The following SLC4A4 variants were observed in gnomAD, a reference collection of about 807,000 sequenced individuals.
SLC4A4 encodes the protein electrogenic sodium bicarbonate cotransporter 1.
SLC4A4 carries 27 observed loss-of-function variants against 111.5 expected under a neutral mutation model. The ratio of observed to expected loss-of-function variants is 0.24; its 90% confidence interval spans 0.18 to 0.33. SLC4A4 has a LOEUF of 0.33. Among genes scored for constraint, SLC4A4 ranks in the 10% least tolerant of loss-of-function variants. The pLI, the probability that SLC4A4 is intolerant of heterozygous loss-of-function variation, is 1.00. For synonymous variants in SLC4A4, 443 were observed against 463.4 expected, an observed-to-expected ratio of 0.96 and a Z score of 0.57; for missense variants, 909 against 1,315.5, an observed-to-expected ratio of 0.69 and a Z score of 4.78.
intron 2 of SLC4A4, among the ~76,000 whole-genome samples, chr4:71,100,456 TA>T (rs1742694115): frequency 6.6e-6 from 1 of 151,882 alleles, no homozygotes; most frequent in African/African-American, 2.4e-5. Context: ...CTAAAAATAA[TA>T]AGAGCCATAT....
chr4:71,081,973 A>G (rs1742005223), intron 1 of SLC4A4, among the ~76,000 whole-genome samples: 1 of 152,034 alleles, frequency 6.6e-6, no homozygotes, highest in South Asian at 2.1e-4. Context: ...TAGCTGCTAA[A>G]TTCACTGCCT....
rs1578568111 is a variant in SLC4A4, at chr4:71,189,292, G to A, written c.-2+1891G>A. ...CCTTACCCAATGAGATTGACAGAAT[G>A]TACTCTCAGTTTAGATTAATGTATT... On this transcript the variant is annotated intron_variant, in intron 1 of 25. Coordinates refer to ENST00000264485, the MANE Select transcript of SLC4A4 (RefSeq NM_001098484.3). Among the ~76,000 whole-genome samples, 3 of 152,224 alleles carry A rather than the reference G, an allele frequency of 2.0e-5. No individual in the cohort carries two copies. The South Asian group carries it at 6.2e-4, about 32-fold the overall frequency.
intron 7 of SLC4A4, among the ~76,000 whole-genome samples, chr4:71,439,322 G>A (rs1483197995): frequency 6.6e-6 from 1 of 151,322 alleles, no homozygotes; most frequent in Non-Finnish European, 1.5e-5. Flanking sequence ...CAGCTACTCA[G>A]GAGGCTGAGG....
At chr4:71,147,198 G>T (rs554012251) in intron 2 of SLC4A4, among the ~76,000 whole-genome samples, 90 of 152,144 alleles carry the variant, frequency 5.9e-4, no homozygotes, top group South Asian at 1.2e-3. Flanking sequence ...AATTACACAG[G>T]GGATTAGGAA....
intron 2 of SLC4A4, among the ~76,000 whole-genome samples, chr4:71,093,572 T>C (rs1156248493): frequency 6.6e-6 from 1 of 152,204 alleles, no homozygotes; most frequent in Non-Finnish European, 1.5e-5. Flanking sequence ...TCCTGACTTG[T>C]TTTGAATTGA....
At chr4:71,518,271 C>T (rs146919890) in intron 16 of SLC4A4, among the ~76,000 whole-genome samples, 1 of 152,076 alleles carries the variant, frequency 6.6e-6, no homozygotes, top group Non-Finnish European at 1.5e-5. Flanking sequence ...GTGGGTCATG[C>T]AACCACAGAG....
At chr4:71,137,038 G>A (rs1317161655) in intron 2 of SLC4A4, among the ~76,000 whole-genome samples, 1 of 152,106 alleles carries the variant, frequency 6.6e-6, no homozygotes, top group Non-Finnish European at 1.5e-5. Flanking sequence ...GAACTTTTGA[G>A]AATATAATAT....
chr4:71,125,162 T>TA (rs1241926363), intron 2 of SLC4A4, among the ~76,000 whole-genome samples: 1 of 152,174 alleles, frequency 6.6e-6, no homozygotes, highest in Non-Finnish European at 1.5e-5. Flanking sequence ...GCAAGTGGCT[T>TA]AAAAAAATTT....
At chr4:71,361,055 A>G (rs1730735091) in intron 6 of SLC4A4, among the ~76,000 whole-genome samples, 1 of 152,190 alleles carries the variant, frequency 6.6e-6, no homozygotes, top group Non-Finnish European at 1.5e-5. Flanking sequence ...CCCTGAGAAC[A>G]GAGGGAAATT....
intron 1 of SLC4A4, among the ~76,000 whole-genome samples, chr4:71,192,228 T>C (rs895969380): frequency 6.6e-6 from 1 of 152,184 alleles, no homozygotes; most frequent in African/African-American, 2.4e-5. Context: ...GGAGATCTGA[T>C]ATTCACTGAT....
At chr4:71,466,640 G>A in intron 13 of SLC4A4, 63 bp downstream of exon 13, 1 of 1,496,684 alleles carries the variant, frequency 6.7e-7, no homozygotes, top group East Asian at 2.3e-5. Context: ...TTATAGGCTA[G>A]ATAGAGCATA....
rs768159038 is a variant in SLC4A4 at position 71,571,061 on chromosome 4, C to A, written c.*3310C>A. ...TGTATTTTATGCTCATGCACCAACC[C>A]ATACAGAGTAAATCTTTTATCAACT... On this transcript the variant is annotated 3_prime_UTR_variant, in exon 26 of 26. Transcript: ENST00000264485. 1 of 152,366 alleles carries A rather than the reference C, an allele frequency of 6.6e-6. No homozygotes were observed. 9.4% of individuals were successfully genotyped at this position (152,366 alleles called of 1,614,324 possible).
At chr4:71,366,392 A>T (rs1003608311) in intron 6 of SLC4A4, among the ~76,000 whole-genome samples, 2 of 151,516 alleles carry the variant, frequency 1.3e-5, no homozygotes, top group Non-Finnish European at 1.5e-5. Flanking sequence ...ACACCTTCAC[A>T]TGAACAGATT....
chr4:71,421,546 C>T (rs1408259182), intron 7 of SLC4A4, among the ~76,000 whole-genome samples: 1 of 152,124 alleles, frequency 6.6e-6, no homozygotes, highest in South Asian at 2.1e-4. Flanking sequence ...TTTTTCAGCA[C>T]CACACCACAC....
At chr4:71,125,188 A>G (rs536213777) in intron 2 of SLC4A4, among the ~76,000 whole-genome samples, 1 of 152,366 alleles carries the variant, frequency 6.6e-6, no homozygotes, top group African/African-American at 2.4e-5. Flanking sequence ...AAGAAAACAC[A>G]GATTGTAGAG....
At position 71,331,690 on chromosome 4, in the gene SLC4A4, C is replaced by G. The variant is rs190095985; in HGVS notation, c.254-7680C>G. Among the ~76,000 whole-genome samples the G allele has an allele frequency of 2.7e-5, 4 of 150,706 alleles. No individual in the cohort carries two copies. The East Asian group carries it at 7.8e-4, about 30-fold the overall frequency. On this transcript the variant is annotated intron_variant, in intron 3 of 25. Transcript: ENST00000264485. ...GCACATGTATACATATGTAACAAAC[C>G]TGCCCGTTGTGCACATGTACCCTAG...
chr4:71,183,823 G>A (rs1322775579), upstream of SLC4A4, among the ~76,000 whole-genome samples: 1 of 152,074 alleles, frequency 6.6e-6, no homozygotes, highest in Non-Finnish European at 1.5e-5. Context: ...TATTTAAAAA[G>A]GACTTGATAT....
In SLC4A4 at chr4:71,221,094, C is replaced by T. The variant is rs572627067; in HGVS notation, c.-1-15482C>T. 7.9e-5 allele frequency among the ~76,000 whole-genome samples: 12 copies of T among 152,246 alleles called. No homozygotes were observed. In the South Asian group the frequency reaches 1.9e-3, roughly 24 times the overall value. Reference sequence around the variant, plus strand: ...ATAGCATTCCATGGTATATTGGTACCACCCTTTCTTTATCCAGTGTCATTA... The same window carrying T: ...ATAGCATTCCATGGTATATTGGTACTACCCTTTCTTTATCCAGTGTCATTA... On this transcript the variant is annotated intron_variant, in intron 1 of 25. Coordinates refer to ENST00000264485, the MANE Select transcript of SLC4A4 (RefSeq NM_001098484.3).
chr4:71,448,082 G>A (rs770876142), intron 9 of SLC4A4, among the ~76,000 whole-genome samples: 2 of 152,172 alleles, frequency 1.3e-5, no homozygotes, highest in Non-Finnish European at 2.9e-5. Flanking sequence ...CACTTTGAGA[G>A]GTCGAGGTGG....
Sources: gnomAD v4.1 joint callset for allele counts (sites outside exome capture counted in the v4.1 genomes callset) on GRCh38, gnomAD v4.1.1 for gene constraint, MANE v1.5 for transcripts, NCBI Gene and HGNC (gene_info 2026-07-23, HGNC 2026-07-21) for gene names.